EXOC6: variants seen among roughly 807,000 people sequenced by gnomAD.
EXOC6 encodes the protein SEC15-like 1.
EXOC6 carries 60 observed loss-of-function variants against 112.5 expected under a neutral mutation model. The observed-to-expected ratio is 0.53, with a 90% CI of 0.43 to 0.66. The LOEUF is 0.66. EXOC6 is among the 30% of genes least tolerant of loss of function. The pLI is 0.00. For missense variants in EXOC6, 855 were observed against 957.1 expected (o/e 0.89, Z 1.41); for synonymous variants, 295 against 308.0 (o/e 0.96, Z 0.44).
intron 17 of EXOC6, among the ~76,000 whole-genome samples, chr10:92,956,154 G>A (rs1038061645): frequency 2.0e-5 from 3 of 151,962 alleles, no homozygotes; most frequent in African/African-American, 7.2e-5. Flanking sequence ...CCTCTTTTGC[G>A]GGTGGAAAGA....
chr10:92,915,841 T>C lies in EXOC6; in HGVS notation c.747T>C (p.Asp249=). ...KFGKNMYINR[D]RIPEERNETV... ...GGAAAAATATGTATATAAATCGTGA[T>C]AGAATTCCAGAGGAAAGGAATGAAA... is the stretch of plus-strand genomic sequence containing the variant. The change falls in exon 7 of 22, where the codon GAT becomes GAC. Residue 249 remains aspartate, a synonymous_variant. Transcript: ENST00000260762. 1.9e-6 allele frequency: 3 copies of C among 1,551,088 alleles called. No homozygotes were observed. The highest frequency in any genetic ancestry group is 2.6e-6 in the Non-Finnish European group (3 of 1,157,650).
intron 1 of EXOC6, among the ~76,000 whole-genome samples, chr10:92,876,097 G>A (rs949339257): frequency 6.6e-6 from 1 of 151,890 alleles, no homozygotes; most frequent in Non-Finnish European, 1.5e-5. Context: ...ACTCTGTAAG[G>A]TAATTCTTTA....
chr10:93,040,463 G>T (rs1021084437), intron 20 of EXOC6, among the ~76,000 whole-genome samples: 1 of 152,182 alleles, frequency 6.6e-6, no homozygotes. Flanking sequence ...TAGCCAGGAT[G>T]GTCTTGATCT....
intron 7 of EXOC6, among the ~76,000 whole-genome samples, chr10:92,916,781 G>A (rs1445387151): frequency 1.3e-5 from 2 of 152,116 alleles, no homozygotes; most frequent in Non-Finnish European, 2.9e-5. Context: ...TTTTTGCTAG[G>A]AAATTTTTCT....
At chr10:92,838,185 A>G (rs1205696801) in intron 1 of EXOC6, among the ~76,000 whole-genome samples, 1 of 152,192 alleles carries the variant, frequency 6.6e-6, no homozygotes, top group African/African-American at 2.4e-5. Flanking sequence ...CCGCATACTC[A>G]TTCCCACACA....
chr10:93,038,590 C>A (rs984625124), intron 20 of EXOC6, among the ~76,000 whole-genome samples: 2 of 152,150 alleles, frequency 1.3e-5, no homozygotes, highest in African/African-American at 4.8e-5. Context: ...TGACAGAGTT[C>A]TAGACTCAAG....
chr10:93,018,740 A>G (rs975793539), intron 20 of EXOC6, among the ~76,000 whole-genome samples: 4 of 152,108 alleles, frequency 2.6e-5, no homozygotes, highest in Non-Finnish European at 5.9e-5. Context: ...GTTTGTTTTA[A>G]AATACTTTAA....
At chr10:93,031,700 A>AG (rs1845286020) in intron 20 of EXOC6, among the ~76,000 whole-genome samples, 1 of 151,854 alleles carries the variant, frequency 6.6e-6, no homozygotes, top group South Asian at 2.1e-4. Context: ...TTTAGTACAG[A>AG]GGGGGTGTCA....
At chr10:92,828,160 C>T (rs1016336489) in intron 1 of EXOC6, among the ~76,000 whole-genome samples, 8 of 152,116 alleles carry the variant, frequency 5.3e-5, no homozygotes, top group South Asian at 4.2e-4. Context: ...TCATGTATTC[C>T]GCAAATATCA....
rs1272743827 is a variant in EXOC6, at chr10:92,848,597, G to A, written c.64G>A (p.Glu22Lys). ...PEHERILQEIESTDTACVGPT... is the reference protein window; with the variant it reads ...PEHERILQEIKSTDTACVGPT... Reference sequence around the variant, plus strand: ...GCACGAGCGGATCTTGCAGGAGATCGAGAGCACCGACACCGCCTGTGTGGG... The same window carrying A: ...GCACGAGCGGATCTTGCAGGAGATCAAGAGCACCGACACCGCCTGTGTGGG... Residue 22 changes from glutamate to lysine, a missense_variant, in exon 1 of 22, where the codon GAG becomes AAG. By Grantham distance (56) the Glu-to-Lys change is moderately conservative (BLOSUM62 1). Around this residue, in one of 2 missense-constraint regions of EXOC6, gnomAD observed 405 missense variants for 393.6 expected, o/e 1.03. Transcript: ENST00000260762. 2 of 1,453,074 alleles carry A rather than the reference G, an allele frequency of 1.4e-6. No homozygotes were observed. The highest frequency in any genetic ancestry group is 1.2e-5 in the South Asian group (1 of 81,866). The allele number at this position is 1,453,074 out of a possible 1,614,324, so 90.0% of individuals were successfully genotyped here.
chr10:92,993,108 T>C (rs1589993506), intron 18 of EXOC6, among the ~76,000 whole-genome samples: 1 of 152,284 alleles, frequency 6.6e-6, no homozygotes, highest in Admixed American at 6.5e-5. Flanking sequence ...AAGTCACTTA[T>C]CAGTGTTAGG....
At chr10:92,859,821 ATGTGTGTG>A (rs10617958) in intron 1 of EXOC6, among the ~76,000 whole-genome samples, 1,971 of 141,660 alleles carry the variant, frequency 0.014, 51 homozygotes, top group Admixed American at 0.067. Context: ...GTTTGTGTGC[ATGTGTGTG>A]TGTGTGTGTG....
chr10:92,913,713 A>G (rs923879356), intron 6 of EXOC6, among the ~76,000 whole-genome samples: 1 of 152,124 alleles, frequency 6.6e-6, no homozygotes, highest in East Asian at 1.9e-4. Flanking sequence ...TGTACTTTTC[A>G]CACTACAATT....
Position 92,928,427 on chromosome 10 carries a change from G to A in EXOC6, c.972+5G>A, listed in dbSNP as rs760476780. The A allele has an allele frequency of 6.3e-6, 10 of 1,578,456 alleles. No individual in the cohort carries two copies. The African/African-American group carries it at 6.8e-5, about 11-fold the overall frequency. On this transcript the variant is annotated splice_donor_5th_base_variant and intron_variant, in intron 9 of 21. Coordinates refer to ENST00000260762, the MANE Select transcript of EXOC6 (RefSeq NM_019053.6). ...TTGCAACCCCAGTCGAATATGGTAA[G>A]TATGCGATATTTTGAATTGGTTATG... is the stretch of plus-strand genomic sequence containing the variant.
intron 20 of EXOC6, among the ~76,000 whole-genome samples, chr10:93,040,548 G>A (rs1260638811): frequency 2.0e-5 from 3 of 152,152 alleles, no homozygotes; most frequent in Non-Finnish European, 2.9e-5. Context: ...CGCCCGGCCT[G>A]CTTTATCGTT....
intron 18 of EXOC6, among the ~76,000 whole-genome samples, chr10:92,992,287 C>CAAAAA (rs35924745): frequency 1.1e-4 from 8 of 74,204 alleles, no homozygotes; most frequent in Admixed American, 1.8e-4. Context: ...GACTCTGTCT[C>CAAAAA]AAAAAAAAAA....
chr10:92,973,511 A>G (rs1215509926), intron 17 of EXOC6, among the ~76,000 whole-genome samples: 1 of 152,178 alleles, frequency 6.6e-6, no homozygotes, highest in Non-Finnish European at 1.5e-5. Context: ...TGGATGAGAA[A>G]ATGTTTGGAG....
intron 1 of EXOC6, among the ~76,000 whole-genome samples, chr10:92,883,345 T>A (rs61860859): frequency 0.022 from 3,346 of 152,296 alleles, 54 homozygotes; most frequent in African/African-American, 0.041. Context: ...AAACTGTCTT[T>A]ATAGCAGCAT....
intron 19 of EXOC6, among the ~76,000 whole-genome samples, chr10:93,003,265 CA>C (rs1843835071): frequency 6.6e-6 from 1 of 152,068 alleles, no homozygotes; most frequent in Admixed American, 6.6e-5. Flanking sequence ...CAGGTAGAAA[CA>C]AATAGCACAT....
Sources: allele counts gnomAD v4.1 joint callset (sites outside exome capture counted in the v4.1 genomes callset), GRCh38; gene constraint gnomAD v4.1.1; regional missense constraint gnomAD v4.1.1; transcripts MANE v1.5; gene names NCBI Gene and HGNC (gene_info 2026-07-23, HGNC 2026-07-21).